ADCY9: variants seen among roughly 807,000 people sequenced by gnomAD.
ADCY9 encodes the protein adenylate cyclase type 9.
ADCY9 carries 50 observed loss-of-function variants against 101.5 expected under a neutral mutation model. That is an observed-to-expected ratio of 0.49 (90% confidence interval 0.39 to 0.62). The LOEUF (loss-of-function observed/expected upper bound fraction) is 0.62, where lower values mean the gene tolerates loss of function less well. ADCY9 is among the 20% of genes least tolerant of loss of function. ADCY9 has a pLI of 0.00. For missense variants in ADCY9, 1,662 were observed against 1,800.4 expected (o/e 0.92, Z 1.39); for synonymous variants, 905 against 769.3 (o/e 1.18, Z -2.92).
chr16:3,975,282 G>A (rs552794284), intron 9 of ADCY9, among the ~76,000 whole-genome samples: 1 of 152,258 alleles, frequency 6.6e-6, no homozygotes, highest in African/African-American at 2.4e-5. Flanking sequence ...ATCCAAGTCT[G>A]CTTTATTTTG....
At chr16:3,958,622 A>G (rs2055920746), downstream of ADCY9, among the ~76,000 whole-genome samples, 1 of 150,338 alleles carries the variant, frequency 6.7e-6, no homozygotes, top group African/African-American at 2.4e-5. Flanking sequence ...TCATCAAGGA[A>G]CCAACACAGA....
intron 2 of ADCY9, among the ~76,000 whole-genome samples, chr16:4,089,304 G>A (rs1040671500): frequency 6.6e-6 from 1 of 152,138 alleles, no homozygotes; most frequent in African/African-American, 2.4e-5. Flanking sequence ...GGGCTCAAGC[G>A]ATCGAAACGT....
intron 2 of ADCY9, among the ~76,000 whole-genome samples, chr16:4,072,003 G>A (rs1479018634): frequency 6.6e-6 from 1 of 152,108 alleles, no homozygotes; most frequent in Admixed American, 6.6e-5. Flanking sequence ...TCTACTATCC[G>A]AGTGATCGAT....
intron 2 of ADCY9, among the ~76,000 whole-genome samples, chr16:4,036,466 T>C: frequency 7.3e-6 from 1 of 136,776 alleles, no homozygotes; most frequent in Non-Finnish European, 1.6e-5. Context: ...TTGTTTGTTT[T>C]TTTTTTTTTT....
intron 2 of ADCY9, among the ~76,000 whole-genome samples, chr16:4,051,658 T>TA (rs766726243): frequency 1.8e-4 from 27 of 152,100 alleles, no homozygotes; most frequent in Non-Finnish European, 2.6e-4. Context: ...AAGCAAATGA[T>TA]AATGGTAATG....
At chr16:3,993,768 CTG>C (rs2056266201) in intron 3 of ADCY9, among the ~76,000 whole-genome samples, 2 of 152,334 alleles carry the variant, frequency 1.3e-5, no homozygotes, top group African/African-American at 2.4e-5. Context: ...GATCAACAAA[CTG>C]TGGTCTATTC....
Position 4,113,851 on chromosome 16 carries a change from A to G in ADCY9, c.1592T>C (p.Ile531Thr). The change falls in exon 2 of 11, where the codon ATT becomes ACT. Residue 531 changes from isoleucine (I) to threonine (T), a missense_variant. Around this residue, in one of 5 missense-constraint regions of ADCY9, gnomAD observed 624 missense variants for 639.1 expected, o/e 0.98. Transcript: ENST00000294016. ...TAAGTATTTTGCGGTGGCCTCAGAAATGTGAACTTTGCCGGCCACTCCCAG... is the reference window on the plus strand; with the variant it reads ...TAAGTATTTTGCGGTGGCCTCAGAAGTGTGAACTTTGCCGGCCACTCCCAG... ...EQLGVAGKVH[I>T]SEATAKYLDD... The G allele has an allele frequency of 1.2e-6, 2 of 1,614,176 alleles. No homozygotes were observed. Among genetic ancestry groups the G allele is most frequent in the Non-Finnish European group, 1.7e-6 (2 of 1,180,020 alleles).
At chr16:4,016,868 G>A (rs1449084549) in intron 2 of ADCY9, among the ~76,000 whole-genome samples, 1 of 152,160 alleles carries the variant, frequency 6.6e-6, no homozygotes, top group Non-Finnish European at 1.5e-5. Flanking sequence ...TTACTTTTTG[G>A]GGTGACGAAA....
chr16:3,956,791 G>A lies in ADCY9; in HGVS notation c.568-3275C>T, dbSNP rs1334015109. On this transcript the variant is annotated intron_variant, in intron 5 of 5. Transcript: ENST00000576936. ...ACTACAGGCGTGAGCCACCGTGCCC[G>A]GCCAGCAATCTGTCTTTTCTATGGA... 4.0e-5 allele frequency among the ~76,000 whole-genome samples: 6 copies of A among 151,648 alleles called. No homozygotes were observed. The South Asian group carries it at 6.2e-4, about 16-fold the overall frequency.
chr16:3,966,657 G>T lies in ADCY9; in HGVS notation c.3180C>A (p.Ile1060=). ...CGCTGAAGTTGACGATGCTGGCGAA[G>T]ATCACCCCTCCGCTGTCATGGTTCT... is the stretch of plus-strand genomic sequence containing the variant. ...YSKNHDSGGV[I]FASIVNFSEF... is the part of the protein sequence containing the mutation. Residue 1060 remains isoleucine, a synonymous_variant, in exon 11 of 11, where the codon ATC becomes ATA. Transcript: ENST00000294016. 1 of 1,614,162 alleles carries T rather than the reference G, an allele frequency of 6.2e-7. No homozygotes were observed. Among genetic ancestry groups the T allele is most frequent in the Non-Finnish European group, 8.5e-7 (1 of 1,180,028 alleles).
At chr16:3,998,231 C>G (rs547733508) in intron 3 of ADCY9, among the ~76,000 whole-genome samples, 1 of 152,178 alleles carries the variant, frequency 6.6e-6, no homozygotes, top group Non-Finnish European at 1.5e-5. Flanking sequence ...AAGACCCCAT[C>G]TCTACAAAAG....
chr16:3,959,122 A>AG (rs2055924368), downstream of ADCY9, among the ~76,000 whole-genome samples: 2 of 152,164 alleles, frequency 1.3e-5, no homozygotes, highest in Middle Eastern at 3.4e-3. Context: ...GCACTTTGGG[A>AG]GGCTGAGGTG....
chr16:3,968,229 T>A (rs947433442), intron 10 of ADCY9, among the ~76,000 whole-genome samples: 1 of 151,868 alleles, frequency 6.6e-6, no homozygotes, highest in Non-Finnish European at 1.5e-5. Flanking sequence ...GCCTCCCGGG[T>A]TCAAGTGATT....
chr16:4,006,611 T>G (rs118059474), intron 3 of ADCY9, among the ~76,000 whole-genome samples: 2 of 152,290 alleles, frequency 1.3e-5, no homozygotes, highest in Non-Finnish European at 2.9e-5. Context: ...CAAAGCAGCA[T>G]AGGAGAGCTG....
At chr16:3,958,985 T>C (rs1353490528), downstream of ADCY9, among the ~76,000 whole-genome samples, 1 of 152,084 alleles carries the variant, frequency 6.6e-6, no homozygotes, top group Non-Finnish European at 1.5e-5. Context: ...TCGGTTGCTT[T>C]TTATTCAGAG....
chr16:4,080,869 A>C (rs943383136), intron 2 of ADCY9, among the ~76,000 whole-genome samples: 1 of 152,148 alleles, frequency 6.6e-6, no homozygotes, highest in East Asian at 1.9e-4. Flanking sequence ...CAGGATAAAA[A>C]GAAAATCTCA....
At chr16:4,032,820 T>C (rs994466861) in intron 2 of ADCY9, 1 of 152,198 alleles carries the variant, frequency 6.6e-6, no homozygotes, top group African/African-American at 2.4e-5. Context: ...CTGTATCATA[T>C]ACTTTTTTAA....
intron 2 of ADCY9, among the ~76,000 whole-genome samples, chr16:4,069,701 A>T (rs1456977406): frequency 6.6e-6 from 1 of 152,138 alleles, no homozygotes; most frequent in East Asian, 1.9e-4. Flanking sequence ...CTCTCCCAGG[A>T]TTCGGACAGT....
At chr16:4,068,009 G>A (rs2056811119) in intron 2 of ADCY9, among the ~76,000 whole-genome samples, 1 of 151,818 alleles carries the variant, frequency 6.6e-6, no homozygotes, top group South Asian at 2.1e-4. Context: ...TTCACTTTTG[G>A]GATTTGAGGT....
Sources: allele counts gnomAD v4.1 joint callset (sites outside exome capture counted in the v4.1 genomes callset), GRCh38; gene constraint gnomAD v4.1.1; regional missense constraint gnomAD v4.1.1; transcripts MANE v1.5; gene names NCBI Gene and HGNC (gene_info 2026-07-23, HGNC 2026-07-21).